Variants in FHIT observed in about 807,000 individuals in gnomAD.
The protein encoded by FHIT is fragile histidine triad diadenosine triphosphatase.
FHIT carries 19 observed loss-of-function variants against 17.9 expected under a neutral mutation model. The observed-to-expected ratio is 1.06, with a 90% confidence interval of 0.74 to 1.56. FHIT has a LOEUF of 1.56. Ranked by LOEUF, FHIT falls within the 40% of genes most tolerant of loss-of-function variation. FHIT has a pLI of 0.00. For synonymous variants in FHIT, 81 were observed against 69.7 expected, an observed-to-expected ratio of 1.16 and a Z score of -0.81; for missense variants, 248 against 189.2, an observed-to-expected ratio of 1.31 and a Z score of -1.82.
intron 1 of FHIT, among the ~76,000 whole-genome samples, chr3:61,247,752 T>C (rs1170149989): frequency 6.6e-6 from 1 of 152,230 alleles, no homozygotes; most frequent in African/African-American, 2.4e-5. Flanking sequence ...TGAATTTTCA[T>C]ATATCAGGCT....
chr3:60,587,059 T>C (rs572500975), intron 4 of FHIT, among the ~76,000 whole-genome samples: 1 of 152,052 alleles, frequency 6.6e-6, no homozygotes, highest in African/African-American at 2.4e-5. Context: ...ATTATTTCCT[T>C]CCATCTAAGC....
At chr3:61,101,760 G>A (rs1430754538) in intron 2 of FHIT, among the ~76,000 whole-genome samples, 1 of 152,074 alleles carries the variant, frequency 6.6e-6, no homozygotes, top group Non-Finnish European at 1.5e-5. Flanking sequence ...TCCTTGAAGA[G>A]GTAATTCACA....
chr3:60,200,619 G>A (rs1391959862), intron 5 of FHIT, among the ~76,000 whole-genome samples: 1 of 151,416 alleles, frequency 6.6e-6, no homozygotes, highest in Non-Finnish European at 1.5e-5. Flanking sequence ...GCATTAAACT[G>A]AAGCACCAGT....
intron 2 of FHIT, among the ~76,000 whole-genome samples, chr3:61,158,714 A>C (rs2037603320): frequency 6.6e-6 from 1 of 152,236 alleles, no homozygotes; most frequent in South Asian, 2.1e-4. Context: ...CACCAGGTCC[A>C]AGTTCACTAC....
chr3:60,376,036 G>C (rs888269769), intron 5 of FHIT, among the ~76,000 whole-genome samples: 1 of 152,160 alleles, frequency 6.6e-6, no homozygotes, highest in Non-Finnish European at 1.5e-5. Context: ...CCATGCAGAA[G>C]CAGAAGAAGA....
chr3:60,823,694 G>T (rs1343903738), intron 3 of FHIT, among the ~76,000 whole-genome samples: 1 of 152,110 alleles, frequency 6.6e-6, no homozygotes, highest in Admixed American at 6.5e-5. Flanking sequence ...AATAAATTTC[G>T]GTTGTTTTAA....
chr3:59,986,568 C>T (rs376176831), intron 7 of FHIT, among the ~76,000 whole-genome samples: 56,319 of 67,386 alleles, frequency 0.84, 23,789 homozygotes, highest in East Asian at 0.99. Flanking sequence ...CACACACACA[C>T]ATATATACAC....
chr3:59,756,379 T>C (rs1701219310), intron 8 of FHIT, among the ~76,000 whole-genome samples: 1 of 152,102 alleles, frequency 6.6e-6, no homozygotes, highest in African/African-American at 2.4e-5. Context: ...GTGAGTAAGG[T>C]ATTAATCGAG....
At chr3:60,692,482 T>A (rs151256862) in intron 4 of FHIT, among the ~76,000 whole-genome samples, 2 of 152,168 alleles carry the variant, frequency 1.3e-5, no homozygotes, top group Non-Finnish European at 2.9e-5. Context: ...AAAACAGAAG[T>A]AGAATAGTCA....
chr3:59,813,888 G>T (rs1337805922), intron 8 of FHIT, among the ~76,000 whole-genome samples: 3 of 152,144 alleles, frequency 2.0e-5, no homozygotes, highest in Non-Finnish European at 4.4e-5. Context: ...AAGAGTTAAT[G>T]GTGGTTTGGT....
At chr3:59,915,679 C>T (rs759138415) in intron 8 of FHIT, among the ~76,000 whole-genome samples, 7 of 152,190 alleles carry the variant, frequency 4.6e-5, no homozygotes, top group Non-Finnish European at 8.8e-5. Flanking sequence ...GTGGCTCATG[C>T]CTATAATCCC....
chr3:60,616,541 A>T (rs559477529), intron 4 of FHIT, among the ~76,000 whole-genome samples: 1 of 152,322 alleles, frequency 6.6e-6, no homozygotes, highest in East Asian at 1.9e-4. Flanking sequence ...TATTGCTAGC[A>T]ATGAACAATT....
intron 3 of FHIT, among the ~76,000 whole-genome samples, chr3:60,885,317 T>G (rs543108897): frequency 1.3e-4 from 20 of 152,282 alleles, no homozygotes; most frequent in Non-Finnish European, 2.4e-4. Context: ...CCTATAAATA[T>G]GTATAATTAT....
At chr3:60,732,684 C>CTTTTTTTTTT (rs3038041) in intron 4 of FHIT, 112 of 178,532 alleles carry the variant, frequency 6.3e-4, no homozygotes, top group African/African-American at 2.2e-3. Flanking sequence ...GCAAAGACTG[C>CTTTTTTTTTT]TTTTTTTTTT....
chr3:60,087,980 A>C (rs1703568903), intron 5 of FHIT, among the ~76,000 whole-genome samples: 1 of 152,182 alleles, frequency 6.6e-6, no homozygotes, highest in African/African-American at 2.4e-5. Context: ...ATTTATGTGG[A>C]TCACAATTCT....
intron 8 of FHIT, among the ~76,000 whole-genome samples, chr3:59,876,102 T>C (rs1033840733): frequency 1.3e-5 from 2 of 152,064 alleles, no homozygotes; most frequent in African/African-American, 4.8e-5. Flanking sequence ...TAGATGTAAT[T>C]ATAGTTTCAT....
At chr3:60,300,971 C>T (rs1357341868) in intron 5 of FHIT, among the ~76,000 whole-genome samples, 1 of 152,040 alleles carries the variant, frequency 6.6e-6, no homozygotes, top group Non-Finnish European at 1.5e-5. Context: ...CCAAACTCAT[C>T]TCTAAAAAGC....
At chr3:59,887,623 G>C (rs563397691) in intron 8 of FHIT, among the ~76,000 whole-genome samples, 3 of 152,284 alleles carry the variant, frequency 2.0e-5, no homozygotes, top group African/African-American at 7.2e-5. Context: ...CACGTGTGCA[G>C]ATAACATAGA....
At chr3:60,350,325 C>G (rs1299318127) in intron 5 of FHIT, among the ~76,000 whole-genome samples, 1 of 152,132 alleles carries the variant, frequency 6.6e-6, no homozygotes, top group African/African-American at 2.4e-5. Context: ...CTGGCAAGCC[C>G]ATATCCCAAC....
Sources: gnomAD v4.1 joint callset for allele counts (sites outside exome capture counted in the v4.1 genomes callset) on GRCh38, gnomAD v4.1.1 for gene constraint, MANE v1.5 for transcripts, NCBI Gene and HGNC (gene_info 2026-07-23, HGNC 2026-07-21) for gene names.